Variants in RALGAPB observed in about 807,000 individuals in gnomAD.
The protein encoded by RALGAPB is Ral GTPase activating protein non-catalytic subunit beta.
RALGAPB carries 25 observed loss-of-function variants against 161.1 expected under a neutral mutation model. That is an observed-to-expected ratio of 0.16 (90% CI 0.11 to 0.22). The LOEUF is 0.22. Among genes scored for constraint, RALGAPB ranks in the 10% least tolerant of loss-of-function variants. The pLI, the probability that RALGAPB is intolerant of heterozygous loss-of-function variation, is 1.00. For synonymous variants in RALGAPB, 629 were observed against 626.1 expected (o/e 1.00, Z -0.07); for missense variants, 1,391 against 1,815.2 (o/e 0.77, Z 4.25).
intron 2 of RALGAPB, 42 bp downstream of exon 2, chr20:38,488,660 A>G (rs1171623198): frequency 9.1e-6 from 14 of 1,545,860 alleles, no homozygotes; most frequent in Non-Finnish European, 1.1e-5. Flanking sequence ...GAAAATGTAC[A>G]TTTGTTCTTG....
At chr20:38,500,241 GT>G (rs879683449) in intron 5 of RALGAPB, among the ~76,000 whole-genome samples, 37 of 142,078 alleles carry the variant, frequency 2.6e-4, no homozygotes, top group South Asian at 8.9e-4. Flanking sequence ...CGGATACCAT[GT>G]TTTTTTTTTT....
intron 27 of RALGAPB, 137 bp downstream of exon 27, chr20:38,570,133 C>A: frequency 1.6e-6 from 1 of 616,672 alleles, no homozygotes; most frequent in Non-Finnish European, 2.8e-6. Context: ...TGGTTTGTAC[C>A]CCAGCTCCAC....
In RALGAPB at chr20:38,532,776, G is replaced by T; in HGVS notation, c.2162G>T (p.Gly721Val). 1 of 1,613,920 alleles carries T rather than the reference G, an allele frequency of 6.2e-7. No individual in the cohort carries two copies. The highest frequency in any genetic ancestry group is 8.5e-7 in the Non-Finnish European group (1 of 1,179,796). The change falls in exon 15 of 30, where the codon GGT becomes GTT. Residue 721 changes from glycine to valine, a missense_variant. This residue lies in a region of RALGAPB where 946 missense variants were observed against 1,257.2 expected (regional missense o/e 0.75). Coordinates refer to ENST00000262879, the MANE Select transcript of RALGAPB (RefSeq NM_020336.4). The stretch of plus-strand genomic sequence containing the variant: ...AAGAGTCATAGTCGCACCAATAGTG[G>T]TATTAGTTCAGCAAGTGGTGGAAGC... ...NLKSHSRTNS[G>V]ISSASGGSTE...
intron 1 of RALGAPB, among the ~76,000 whole-genome samples, chr20:38,477,532 T>A (rs999526494): frequency 6.6e-6 from 1 of 152,192 alleles, no homozygotes; most frequent in African/African-American, 2.4e-5. Flanking sequence ...TTTGCCAGCT[T>A]TATTGATGTT....
chr20:38,473,525 C>T (rs1215858875), intron 1 of RALGAPB, among the ~76,000 whole-genome samples: 2 of 152,194 alleles, frequency 1.3e-5, no homozygotes, highest in Admixed American at 6.6e-5. Context: ...TCTTATCCGC[C>T]AGGCATCATG....
chr20:38,571,716 A>G (rs1422104679), intron 28 of RALGAPB, among the ~76,000 whole-genome samples: 1 of 152,182 alleles, frequency 6.6e-6, no homozygotes, highest in Non-Finnish European at 1.5e-5. Context: ...CTCTGGATAT[A>G]CACCCTGAAG....
At chr20:38,553,289 C>T (rs145303738) in intron 21 of RALGAPB, among the ~76,000 whole-genome samples, 11 of 152,204 alleles carry the variant, frequency 7.2e-5, no homozygotes, top group African/African-American at 2.6e-4. Context: ...AAGGATTGAT[C>T]AGAAGGAAAG....
chr20:38,548,942 A>C (rs766619512), intron 20 of RALGAPB, 147 bp downstream of exon 20: 1 of 650,092 alleles, frequency 1.5e-6, no homozygotes, highest in Non-Finnish European at 2.7e-6. Flanking sequence ...ATCATCTAGG[A>C]ACCTAGAATT....
rs780523014 is a variant in RALGAPB, at chr20:38,531,198, A to G, written c.2082A>G (p.Ala694=). 3.8e-5 allele frequency: 61 copies of G among 1,611,014 alleles called. No individual in the cohort carries two copies. The highest frequency in any genetic ancestry group is 4.8e-5 in the Non-Finnish European group (57 of 1,177,520). ...GAMLNIVQDS[A]LLEAIGCQME... is the part of the protein sequence containing the mutation. ...TGTTAAATATTGTTCAAGATTCAGCACTTTTGGAAGCCATTGGTTGCCAGA... is the reference window on the plus strand; with the variant it reads ...TGTTAAATATTGTTCAAGATTCAGCGCTTTTGGAAGCCATTGGTTGCCAGA... Residue 694 remains alanine, a synonymous_variant, in exon 14 of 30, where the codon GCA becomes GCG. Coordinates refer to ENST00000262879, the MANE Select transcript of RALGAPB (RefSeq NM_020336.4).
intron 9 of RALGAPB, chr20:38,520,337 C>A: frequency 1.4e-6 from 1 of 702,168 alleles, no homozygotes; most frequent in African/African-American, 1.9e-5. Flanking sequence ...TTCATAATTC[C>A]ATTAAAAATT....
chr20:38,474,082 G>A (rs1568887275), intron 1 of RALGAPB, among the ~76,000 whole-genome samples: 1 of 152,110 alleles, frequency 6.6e-6, no homozygotes, highest in Non-Finnish European at 1.5e-5. Context: ...GAGTCATCTG[G>A]AACATTTAAA....
In RALGAPB at chr20:38,524,840, C is replaced by A; in HGVS notation, c.1682C>A (p.Ala561Asp). 4.4e-6 allele frequency: 7 copies of A among 1,605,710 alleles called. No individual in the cohort carries two copies. Among genetic ancestry groups the A allele is most frequent in the Non-Finnish European group, 6.0e-6 (7 of 1,172,360 alleles). The change falls in exon 11 of 30, where the codon GCC (alanine) becomes GAC (aspartate). Residue 561 changes from alanine to aspartate, a missense_variant. Physicochemically the swap from Ala to Asp is moderately radical, Grantham distance 126 (BLOSUM62 -2). Around this residue, in one of 3 missense-constraint regions of RALGAPB, gnomAD observed 946 missense variants for 1,257.2 expected, o/e 0.75. Coordinates refer to ENST00000262879, the MANE Select transcript of RALGAPB (RefSeq NM_020336.4). ...GATTATGTGTGCCATCCTGTCTTGG[C>A]CAGCGTTATTCTAAACTCTCCTCCT... is the stretch of plus-strand genomic sequence containing the variant. ...INDYVCHPVL[A>D]SVILNSPPLF...
chr20:38,537,297 A>C (rs1051184061), intron 16 of RALGAPB, among the ~76,000 whole-genome samples: 2 of 151,960 alleles, frequency 1.3e-5, no homozygotes, highest in Non-Finnish European at 2.9e-5. Flanking sequence ...CATACACACA[A>C]AAAAAAGCCA....
intron 1 of RALGAPB, among the ~76,000 whole-genome samples, chr20:38,484,771 C>G (rs772983144): frequency 6.6e-6 from 1 of 152,188 alleles, no homozygotes; most frequent in Non-Finnish European, 1.5e-5. Flanking sequence ...TCTCGGCTCA[C>G]AGCAACCTCT....
In RALGAPB at chr20:38,574,758, ACT is replaced by A. The variant is rs543209600; in HGVS notation, c.4292-11_4292-10del. 272 of 1,606,016 alleles carry A rather than the reference ACT, an allele frequency of 1.7e-4. 3 individuals carry two copies. Among genetic ancestry groups the A allele is most frequent in the South Asian group, 1.6e-3 (144 of 90,792 alleles). ...ACTAGTTTCTAACGTTTATTTTAAA[ACT>A]CTCTATTTTCAAGGCTTTCTGGTGA... On this transcript the variant is annotated splice_polypyrimidine_tract_variant and intron_variant, in intron 29 of 29. Transcript: ENST00000262879.
intron 3 of RALGAPB, among the ~76,000 whole-genome samples, chr20:38,495,393 CAT>C (rs1344833547): frequency 6.6e-6 from 1 of 151,862 alleles, no homozygotes; most frequent in Non-Finnish European, 1.5e-5. Context: ...TTTAGAAAAA[CAT>C]ATTATTGTTC....
chr20:38,549,420 G>A (rs2087284581), intron 20 of RALGAPB, among the ~76,000 whole-genome samples: 1 of 151,110 alleles, frequency 6.6e-6, no homozygotes, highest in African/African-American at 2.4e-5. Context: ...GTAGAGATAG[G>A]GTCTTGCTTT....
intron 26 of RALGAPB, 125 bp downstream of exon 26, chr20:38,567,357 A>G (rs1338692999): frequency 8.0e-7 from 1 of 1,253,066 alleles, no homozygotes; most frequent in Non-Finnish European, 1.0e-6. Context: ...TTAGTAACTT[A>G]ATTTTTTAAA....
intron 19 of RALGAPB, chr20:38,547,167 C>G (rs1203377177): frequency 6.6e-6 from 1 of 152,210 alleles, no homozygotes; most frequent in Non-Finnish European, 1.5e-5. Context: ...CCTCCTTTCC[C>G]TCCCCCTCAG....
Sources: gnomAD v4.1 joint callset for allele counts (sites outside exome capture counted in the v4.1 genomes callset) on GRCh38, gnomAD v4.1.1 for gene constraint, gnomAD v4.1.1 regional missense constraint, MANE v1.5 for transcripts, NCBI Gene and HGNC (gene_info 2026-07-23, HGNC 2026-07-21) for gene names.